The following PIEZO1 variants were observed in gnomAD, a reference collection of about 807,000 sequenced individuals.
The protein encoded by PIEZO1 is piezo type mechanosensitive ion channel component 1 (Er blood group).
A neutral mutation model predicts 297.2 loss-of-function variants in PIEZO1; 296 were observed. The observed-to-expected ratio is 1.00, with a 90% CI of 0.91 to 1.10. The LOEUF (loss-of-function observed/expected upper bound fraction) is 1.10, where lower values mean the gene tolerates loss of function less well. PIEZO1 is among the 50% of genes least tolerant of loss of function. PIEZO1 has a pLI of 0.00. For synonymous variants in PIEZO1, 2,427 were observed against 1,507.5 expected (o/e 1.61, Z -14.13); for missense variants, 5,018 against 3,455.5 (o/e 1.45, Z -11.34).
Position 88,725,437 on chromosome 16 carries a change from TGGGGCCCAGGGTGTCCTG to T in PIEZO1, c.4123_4140del (p.Gln1375_Pro1380del), listed in dbSNP as rs547417701. The T allele has an allele frequency of 4.3e-5, 63 of 1,468,098 alleles. No homozygotes were observed. In the African/African-American group the frequency reaches 7.8e-4, roughly 18 times the overall value. 90.9% of individuals were successfully genotyped at this position (1,468,098 alleles called of 1,614,324 possible). On this transcript the variant is annotated inframe_deletion, in exon 29 of 51. Transcript: ENST00000301015. ...TCACCTGGCTCCAGGCCGGGGTCCT[TGGGGCCCAGGGTGTCCTG>T]GGGGCGACTGCGGTCCACCCGGCCC... is the stretch of plus-strand genomic sequence containing the variant.
intron 44 of PIEZO1, chr16:88,717,731 C>T (rs1378711984): frequency 1.1e-5 from 5 of 441,406 alleles, no homozygotes; most frequent in South Asian, 8.3e-5. Context: ...AAATTTTCTG[C>T]AAATTTTAAT....
chr16:88,781,350 C>A (rs1046674739), intron 1 of PIEZO1, among the ~76,000 whole-genome samples: 1 of 152,234 alleles, frequency 6.6e-6, no homozygotes, highest in African/African-American at 2.4e-5. Flanking sequence ...GTGTCCTGGG[C>A]ACCAGTGACC....
intron 34 of PIEZO1, 26 bp downstream of exon 34, chr16:88,722,811 C>T (rs902741800): frequency 3.1e-5 from 47 of 1,539,916 alleles, no homozygotes; most frequent in South Asian, 4.8e-5. Flanking sequence ...AGAGCAGGGA[C>T]GAGCGTGGTG....
Position 88,730,897 on chromosome 16 carries a change from G to A in PIEZO1, c.3196+809C>T, listed in dbSNP as rs144916908. Among the ~76,000 whole-genome samples the A allele has an allele frequency of 5.7e-3, 866 of 152,358 alleles. 5 individuals are homozygous for A. Among genetic ancestry groups the A allele is most frequent in the African/African-American group, 0.02 (823 of 41,570 alleles). On this transcript the variant is annotated intron_variant, in intron 22 of 50. Coordinates refer to ENST00000301015, the MANE Select transcript of PIEZO1 (RefSeq NM_001142864.4). ...AGCTGACAGACACACAGAGACAGCA[G>A]AGAGAAAGTCTGTTTCGTAAAACCA...
At chr16:88,777,746 G>A (rs1907732340) in intron 1 of PIEZO1, among the ~76,000 whole-genome samples, 1 of 152,220 alleles carries the variant, frequency 6.6e-6, no homozygotes, top group South Asian at 2.1e-4. Context: ...GGTCCCAGGC[G>A]ACAGATTGCA....
chr16:88,727,423 G>C (rs1904531224), intron 23 of PIEZO1, 134 bp downstream of exon 23: 3 of 644,842 alleles, frequency 4.7e-6, no homozygotes, highest in Non-Finnish European at 5.3e-6. Flanking sequence ...TGCGAGGTCA[G>C]GGCCTGCAGG....
chr16:88,736,631 C>A lies in PIEZO1; in HGVS notation c.1296+8G>T, dbSNP rs961586768. 3.2e-5 allele frequency: 49 copies of A among 1,523,078 alleles called. No individual in the cohort carries two copies. The highest frequency in any genetic ancestry group is 4.1e-5 in the Non-Finnish European group (47 of 1,139,346). The allele number at this position is 1,523,078 out of a possible 1,614,324, so 94.3% of individuals were successfully genotyped here. A position where few individuals can be genotyped will look rare whatever the true frequency, so the allele number is the denominator to read the frequency against. ...GGGCCGCCCACCCCAACCCCCACAG[C>A]CGCCTACCATCATGGCAATGAGCGC... On this transcript the variant is annotated splice_region_variant and intron_variant, in intron 11 of 50. Transcript: ENST00000301015.
Position 88,715,683 on chromosome 16 carries a change from C to G in PIEZO1, c.7488G>C (p.Glu2496Asp). Residue 2496 changes from glutamate to aspartate, a missense_variant, in exon 51 of 51, where the codon GAG (glutamate) becomes GAC (aspartate). Transcript: ENST00000301015. ...AGATGAGCTTGGCGTACAACTCCTCCTCCAGCTCCAGCTCCCGAGTCTCCC... is the reference window on the plus strand; with the variant it reads ...AGATGAGCTTGGCGTACAACTCCTCGTCCAGCTCCAGCTCCCGAGTCTCCC... ...LVRETRELEL[E>D]EELYAKLIFL... is the part of the protein sequence containing the mutation. 2 of 1,550,286 alleles carry G rather than the reference C, an allele frequency of 1.3e-6. No individual in the cohort carries two copies. Among genetic ancestry groups the G allele is most frequent in the East Asian group, 4.9e-5 (2 of 40,916 alleles).
chr16:88,775,476 C>T (rs2002834), intron 1 of PIEZO1, among the ~76,000 whole-genome samples: 41,851 of 152,042 alleles, frequency 0.28, 6,722 homozygotes, highest in East Asian at 0.42. Context: ...CGCCTGTAAT[C>T]CCAGCACTTT....
In PIEZO1 at chr16:88,723,952, G is replaced by A. The variant is rs1287054010; in HGVS notation, c.4254C>T (p.Tyr1418=). Residue 1418 remains tyrosine, a synonymous_variant, in exon 31 of 51, where the codon TAC becomes TAT. Coordinates refer to ENST00000301015, the MANE Select transcript of PIEZO1 (RefSeq NM_001142864.4). ...DHATVIHSGD[Y]FLFESDSEEE... ...CCTCACTGTCGGACTCAAACAGGAA[G>A]TAGTCCCCGGAGTGGATGACTGTGG... 4 of 1,548,080 alleles carry A rather than the reference G, an allele frequency of 2.6e-6. No homozygotes were observed. Among genetic ancestry groups the A allele is most frequent in the East Asian group, 2.4e-5 (1 of 40,928 alleles).
intron 1 of PIEZO1, among the ~76,000 whole-genome samples, chr16:88,750,789 G>C (rs1466229061): frequency 1.3e-5 from 2 of 152,206 alleles, no homozygotes; most frequent in African/African-American, 4.8e-5. Context: ...GGAGGACACT[G>C]GGACTGGAAA....
intron 30 of PIEZO1, 45 bp downstream of exon 30, chr16:88,724,963 AC>A: frequency 1.6e-6 from 2 of 1,222,790 alleles, no homozygotes; most frequent in Non-Finnish European, 2.2e-6. Context: ...AGATGGGGGC[AC>A]AGAGGGCCTG....
intron 12 of PIEZO1, among the ~76,000 whole-genome samples, chr16:88,735,552 C>T (rs1425095192): frequency 6.6e-6 from 1 of 152,296 alleles, no homozygotes; most frequent in East Asian, 1.9e-4. Context: ...CACATGTCCA[C>T]ATGCTGGAGT....
At position 88,756,893 on chromosome 16, in the gene PIEZO1, G is replaced by C. The variant is rs1483210741; in HGVS notation, c.65-7414C>G. Among the ~76,000 whole-genome samples the C allele has an allele frequency of 2.6e-5, 4 of 152,142 alleles. No homozygotes were observed. The South Asian group carries it at 6.2e-4, about 24-fold the overall frequency. Reference sequence around the variant, plus strand: ...AGATCGAGACCATCCTGGCCAACATGGTGAAACCCTGTCTCTACTAAAAAT... The same window carrying C: ...AGATCGAGACCATCCTGGCCAACATCGTGAAACCCTGTCTCTACTAAAAAT... On this transcript the variant is annotated intron_variant, in intron 1 of 50. Coordinates refer to ENST00000301015, the MANE Select transcript of PIEZO1 (RefSeq NM_001142864.4).
chr16:88,765,384 G>A (rs915625400), intron 1 of PIEZO1, among the ~76,000 whole-genome samples: 2 of 152,260 alleles, frequency 1.3e-5, no homozygotes, highest in Non-Finnish European at 2.9e-5. Flanking sequence ...CTCAGGGCAG[G>A]TGTCCAGGAT....
chr16:88,716,325 C>T (rs938540081), intron 48 of PIEZO1, 36 bp downstream of exon 48: 2 of 1,501,964 alleles, frequency 1.3e-6, no homozygotes, highest in African/African-American at 1.4e-5. Context: ...CAACCTGGCA[C>T]AGCCCTCCTG....
intron 2 of PIEZO1, among the ~76,000 whole-genome samples, chr16:88,748,081 C>T (rs1468351997): frequency 2.0e-5 from 3 of 152,354 alleles, no homozygotes; most frequent in East Asian, 3.9e-4. Context: ...CAGTCACGCC[C>T]CCTGGTCCTG....
intron 12 of PIEZO1, among the ~76,000 whole-genome samples, chr16:88,735,786 G>C (rs958094475): frequency 1.3e-5 from 2 of 152,220 alleles, no homozygotes; most frequent in Non-Finnish European, 2.9e-5. Context: ...CCAATGGGCA[G>C]AGCCCACGCT....
chr16:88,755,912 G>C (rs976028587), intron 1 of PIEZO1, among the ~76,000 whole-genome samples: 33 of 152,166 alleles, frequency 2.2e-4, no homozygotes, highest in Admixed American at 3.9e-4. Context: ...CGGGGCCAGG[G>C]GGTGGCAATT....
Sources: gnomAD v4.1 joint callset for allele counts (sites outside exome capture counted in the v4.1 genomes callset) on GRCh38, gnomAD v4.1.1 for gene constraint, MANE v1.5 for transcripts, NCBI Gene and HGNC (gene_info 2026-07-23, HGNC 2026-07-21) for gene names.